TLE4: variants seen among roughly 807,000 people sequenced by gnomAD.
TLE4 encodes the protein transducin-like enhancer protein 4.
TLE4 carries 8 observed loss-of-function variants against 92.8 expected under a neutral mutation model. The observed-to-expected ratio is 0.09, with a 90% CI of 0.05 to 0.16. The LOEUF (loss-of-function observed/expected upper bound fraction) is 0.16. TLE4 is among the 10% of genes least tolerant of loss of function. The pLI is 1.00. For missense variants in TLE4, 675 were observed against 997.6 expected (o/e 0.68, Z 4.36); for synonymous variants, 371 against 374.1 (o/e 0.99, Z 0.10).
In TLE4 at chr9:79,722,510, C is replaced by A; in HGVS notation, c.2046C>A (p.Ser682Arg). 6.2e-7 allele frequency: 1 copy of A among 1,614,228 alleles called. No homozygotes were observed. The highest frequency in any genetic ancestry group is 8.5e-7 in the Non-Finnish European group (1 of 1,180,044). Residue 682 changes from serine (S) to arginine (R), a missense_variant, in exon 18 of 20, where the codon AGC becomes AGA. Physicochemically the swap from Ser to Arg is moderately radical, Grantham distance 110. This residue lies in a region of TLE4 where 170 missense variants were observed against 359.6 expected (regional missense o/e 0.47). Coordinates refer to ENST00000376552, the MANE Select transcript of TLE4 (RefSeq NM_007005.6). ...GGCTTGCAGTGGGGATGGAGAACAGCAATGTGGAAGTTTTGCATGTCACCA... is the reference window on the plus strand; with the variant it reads ...GGCTTGCAGTGGGGATGGAGAACAGAAATGTGGAAGTTTTGCATGTCACCA... Reference protein sequence around the residue: ...GEWLAVGMENSNVEVLHVTKP... With the variant: ...GEWLAVGMENRNVEVLHVTKP...
intron 4 of TLE4, among the ~76,000 whole-genome samples, chr9:79,579,173 C>T (rs1285293667): frequency 6.6e-6 from 1 of 152,280 alleles, no homozygotes; most frequent in East Asian, 1.9e-4. Flanking sequence ...TTGTATGAGA[C>T]AGCTGACCCA....
In TLE4 at chr9:79,624,732, C is replaced by T. The variant is rs569139026; in HGVS notation, c.316-2642C>T. ...CCTAAGGCATCTTTGCCCATTTTAG[C>T]AATTGGAATCTAGTTCATGAAGTAA... On this transcript the variant is annotated intron_variant, in intron 5 of 19. Transcript: ENST00000376552. Among the ~76,000 whole-genome samples, 16 of 152,300 alleles carry T rather than the reference C, an allele frequency of 1.1e-4. No individual in the cohort carries two copies. In the South Asian group the frequency reaches 3.3e-3, roughly 32 times the overall value.
intron 19 of TLE4, among the ~76,000 whole-genome samples, chr9:79,724,444 G>C (rs2076123427): frequency 6.6e-6 from 1 of 152,070 alleles, no homozygotes; most frequent in East Asian, 1.9e-4. Context: ...GCCAGCAGAG[G>C]TGCTCATGCC....
At position 79,705,432 on chromosome 9, in the gene TLE4, G is replaced by A. The variant is rs932530547; in HGVS notation, c.730-457G>A. Among the ~76,000 whole-genome samples, 4 of 152,354 alleles carry A rather than the reference G, an allele frequency of 2.6e-5. No homozygotes were observed. In the East Asian group the frequency reaches 5.8e-4, roughly 22 times the overall value. ...GGATGGAGCAGTGTGGAGGCAGGCG[G>A]CCCCTGCTCTGCTTCCCTGCTGGTG... On this transcript the variant is annotated intron_variant, in intron 9 of 19. Coordinates refer to ENST00000376552, the MANE Select transcript of TLE4 (RefSeq NM_007005.6).
At chr9:79,682,213 A>C (rs2135308928) in intron 8 of TLE4, among the ~76,000 whole-genome samples, 1 of 152,242 alleles carries the variant, frequency 6.6e-6, no homozygotes, top group East Asian at 1.9e-4. Context: ...AAATCCAGAA[A>C]GCTCTGAAAA....
At chr9:79,587,665 A>G (rs1379594384) in intron 4 of TLE4, among the ~76,000 whole-genome samples, 1 of 152,208 alleles carries the variant, frequency 6.6e-6, no homozygotes, top group Non-Finnish European at 1.5e-5. Flanking sequence ...CAGCTAAAAC[A>G]ATCCTAATAT....
At chr9:79,590,792 T>C (rs900262759) in intron 4 of TLE4, among the ~76,000 whole-genome samples, 1 of 152,234 alleles carries the variant, frequency 6.6e-6, no homozygotes, top group African/African-American at 2.4e-5. Context: ...CCACTTTCTT[T>C]CTGTTTGAGG....
At chr9:79,631,705 C>T (rs945945928) in intron 6 of TLE4, among the ~76,000 whole-genome samples, 3 of 143,548 alleles carry the variant, frequency 2.1e-5, no homozygotes, top group Non-Finnish European at 4.5e-5. Flanking sequence ...TGCAGTATGA[C>T]TGTTTAAAAA....
intron 4 of TLE4, among the ~76,000 whole-genome samples, chr9:79,585,888 A>C (rs1294760360): frequency 7.9e-5 from 12 of 152,072 alleles, no homozygotes; most frequent in Non-Finnish European, 1.3e-4. Flanking sequence ...GTTAGATGAC[A>C]AAGTTCTTCA....
chr9:79,690,422 A>G (rs1275727913), intron 8 of TLE4, among the ~76,000 whole-genome samples: 1 of 152,164 alleles, frequency 6.6e-6, no homozygotes, highest in Admixed American at 6.5e-5. Flanking sequence ...TTATTCTTTA[A>G]CATCTGTCTT....
At chr9:79,590,380 ACCCCTACT>A (rs1424728367) in intron 4 of TLE4, among the ~76,000 whole-genome samples, 2 of 151,962 alleles carry the variant, frequency 1.3e-5, no homozygotes, top group African/African-American at 4.8e-5. Context: ...AAACTTTGGC[ACCCCTACT>A]TGCTTGTAAG....
At chr9:79,584,885 A>G (rs149994203) in intron 4 of TLE4, among the ~76,000 whole-genome samples, 3 of 152,294 alleles carry the variant, frequency 2.0e-5, no homozygotes, top group African/African-American at 7.2e-5. Context: ...TTAAAGATGA[A>G]AACATGAATC....
chr9:79,718,325 G>T (rs1198441117), intron 14 of TLE4, among the ~76,000 whole-genome samples: 3 of 152,188 alleles, frequency 2.0e-5, no homozygotes, highest in Non-Finnish European at 4.4e-5. Flanking sequence ...CTCATCACAG[G>T]CCTCTGATTC....
Position 79,621,935 on chromosome 9 carries a change from C to T in TLE4, c.316-5439C>T, listed in dbSNP as rs375162914. On this transcript the variant is annotated intron_variant, in intron 5 of 19. Transcript: ENST00000376552. ...ATCTTTCACCCTAGAATATTGCAGC[C>T]CTCTAACTGTTTACCCTTCAATCTG... 3.3e-5 allele frequency among the ~76,000 whole-genome samples: 5 copies of T among 152,274 alleles called. No homozygotes were observed. In the East Asian group the frequency reaches 7.7e-4, roughly 23 times the overall value.
intron 4 of TLE4, among the ~76,000 whole-genome samples, chr9:79,596,600 T>A (rs1178008539): frequency 6.6e-6 from 1 of 150,980 alleles, no homozygotes; most frequent in Non-Finnish European, 1.5e-5. Flanking sequence ...CTGTGTAGTA[T>A]AAATTAGTAA....
chr9:79,721,700 C>G, intron 16 of TLE4, 41 bp from the exon 17 acceptor site: 1 of 1,612,792 alleles, frequency 6.2e-7, no homozygotes, highest in Non-Finnish European at 8.5e-7. Context: ...TAACTAAAAG[C>G]TAACTTTTCA....
Position 79,709,686 on chromosome 9 carries a change from C to T in TLE4, c.1327C>T (p.Pro443Ser). Residue 443 changes from proline to serine, a missense_variant, in exon 14 of 20, where the codon CCA (proline) becomes TCA (serine). Pro to Ser is a moderately conservative substitution (Grantham distance 74). Coordinates refer to ENST00000376552, the MANE Select transcript of TLE4 (RefSeq NM_007005.6). ...AATACCTCCAAACCTGACAGGCATT[C>T]CAGGAGGAAAACCGTGAGTACCTTT... ...PAIPPNLTGI[P>S]GGKPAYSFHV... is the part of the protein sequence containing the mutation. The T allele has an allele frequency of 6.2e-7, 1 of 1,614,034 alleles. No homozygotes were observed.
chr9:79,686,381 G>A (rs73652232), intron 8 of TLE4, among the ~76,000 whole-genome samples: 212 of 152,190 alleles, frequency 1.4e-3, no homozygotes, highest in African/African-American at 4.9e-3. Flanking sequence ...GTTTCTCTTC[G>A]GGGTTGAATT....
intron 4 of TLE4, among the ~76,000 whole-genome samples, chr9:79,582,117 G>A (rs2039840143): frequency 6.6e-6 from 1 of 152,090 alleles, no homozygotes; most frequent in Non-Finnish European, 1.5e-5. Flanking sequence ...ACCATCTTGT[G>A]GGCTTTTGAA....
Sources: allele counts gnomAD v4.1 joint callset (sites outside exome capture counted in the v4.1 genomes callset), GRCh38; gene constraint gnomAD v4.1.1; regional missense constraint gnomAD v4.1.1; transcripts MANE v1.5; gene names NCBI Gene and HGNC (gene_info 2026-07-23, HGNC 2026-07-21).